Variants in CCSER1 observed in about 807,000 individuals in gnomAD.
CCSER1 encodes coiled-coil serine rich protein 1.
A neutral mutation model predicts 82.0 loss-of-function variants in CCSER1; 41 were observed. That is an observed-to-expected ratio of 0.50 (90% CI 0.39 to 0.65). CCSER1 has a LOEUF of 0.65. Ranked by LOEUF, CCSER1 falls within the 30% of genes least tolerant of loss-of-function variation. CCSER1 has a pLI of 0.00. For synonymous variants in CCSER1, 414 were observed against 383.9 expected (o/e 1.08, Z -0.92); for missense variants, 1,119 against 1,064.2 (o/e 1.05, Z -0.72).
At chr4:91,319,570 A>G (rs1746053356) in intron 10 of CCSER1, 1 of 429,554 alleles carries the variant, frequency 2.3e-6, no homozygotes, top group African/African-American at 2.1e-5. Flanking sequence ...TGAAAGAAGT[A>G]AAGAATAAGT....
chr4:90,329,407 T>A (rs1390788846), intron 3 of CCSER1, among the ~76,000 whole-genome samples: 1 of 152,162 alleles, frequency 6.6e-6, no homozygotes, highest in African/African-American at 2.4e-5. Flanking sequence ...ATCAATAACG[T>A]GTCAAAACTA....
intron 8 of CCSER1, among the ~76,000 whole-genome samples, chr4:90,861,735 C>T (rs946105048): frequency 1.3e-5 from 2 of 151,466 alleles, no homozygotes; most frequent in African/African-American, 4.8e-5. Flanking sequence ...ATTTAATGTA[C>T]TTTGTGAATA....
intron 4 of CCSER1, among the ~76,000 whole-genome samples, chr4:90,401,461 C>T (rs1014236289): frequency 9.2e-5 from 14 of 152,094 alleles, no homozygotes; most frequent in South Asian, 2.1e-4. Flanking sequence ...AATGGTTTAC[C>T]GAACAGTCAT....
intron 3 of CCSER1, among the ~76,000 whole-genome samples, chr4:90,332,927 C>T (rs749113559): frequency 1.3e-5 from 2 of 152,292 alleles, no homozygotes; most frequent in African/African-American, 2.4e-5. Flanking sequence ...TCCAGAACCA[C>T]GTGTTATGTT....
In CCSER1 at chr4:90,665,382, C is replaced by A. The variant is rs909942105; in HGVS notation, c.1932+37150C>A. On this transcript the variant is annotated intron_variant, in intron 6 of 10. Transcript: ENST00000509176. ...TGTCGCCCAGGCTGGAGTGCAGTGG[C>A]GTGATCTCGGCTCACTGCAGGCTCC... Among the ~76,000 whole-genome samples the A allele has an allele frequency of 3.3e-5, 5 of 150,416 alleles. No homozygotes were observed. In the East Asian group the frequency reaches 9.8e-4, roughly 30 times the overall value.
At chr4:90,838,223 T>A (rs1395604271) in intron 8 of CCSER1, among the ~76,000 whole-genome samples, 1 of 151,586 alleles carries the variant, frequency 6.6e-6, no homozygotes, top group African/African-American at 2.4e-5. Flanking sequence ...ATGAGTACTT[T>A]TTTTTTAGTG....
chr4:90,132,251 C>G (rs1722940202), intron 1 of CCSER1, among the ~76,000 whole-genome samples: 1 of 152,172 alleles, frequency 6.6e-6, no homozygotes, highest in Admixed American at 6.5e-5. Flanking sequence ...CTATATGTCA[C>G]AGGTGTATCA....
At chr4:90,369,052 G>T (rs1746849736) in intron 3 of CCSER1, among the ~76,000 whole-genome samples, 1 of 151,674 alleles carries the variant, frequency 6.6e-6, no homozygotes, top group South Asian at 2.1e-4. Flanking sequence ...TATACCTGCA[G>T]AAATTTTAAA....
chr4:91,048,350 T>C (rs2148702948), intron 9 of CCSER1, among the ~76,000 whole-genome samples: 1 of 147,208 alleles, frequency 6.8e-6, no homozygotes, highest in Middle Eastern at 3.6e-3. Flanking sequence ...CCTCTGACAT[T>C]TAAAAATATA....
At chr4:91,158,668 A>G (rs1220701912) in intron 10 of CCSER1, among the ~76,000 whole-genome samples, 1 of 151,084 alleles carries the variant, frequency 6.6e-6, no homozygotes, top group Non-Finnish European at 1.5e-5. Flanking sequence ...TGGACACACA[A>G]ACGTGCAGGC....
intron 9 of CCSER1, among the ~76,000 whole-genome samples, chr4:90,932,992 G>GAAAGAAAGAAAGAAAGAA (rs1730272763): frequency 4.5e-5 from 2 of 44,318 alleles, no homozygotes; most frequent in Non-Finnish European, 8.1e-5. Context: ...GAGAAAGAAA[G>GAAAGAAAGAAAGAAAGAA]AAAGAAAGAA....
At chr4:90,488,074 T>C (rs1249269402) in intron 5 of CCSER1, among the ~76,000 whole-genome samples, 1 of 152,234 alleles carries the variant, frequency 6.6e-6, no homozygotes, top group Non-Finnish European at 1.5e-5. Context: ...AAATTAGACC[T>C]TCAGAGATAG....
At chr4:91,555,466 TAATC>T (rs1245993546) in intron 10 of CCSER1, among the ~76,000 whole-genome samples, 3 of 151,134 alleles carry the variant, frequency 2.0e-5, no homozygotes, top group Non-Finnish European at 4.4e-5. Flanking sequence ...CGGCACATAG[TAATC>T]AATCAACTAG....
chr4:91,112,851 C>T (rs1033419912), intron 10 of CCSER1: 9 of 152,152 alleles, frequency 5.9e-5, no homozygotes, highest in African/African-American at 2.2e-4. Context: ...ACTACCTTCC[C>T]ATCACACAAA....
At chr4:91,230,612 G>A (rs760187326) in intron 10 of CCSER1, among the ~76,000 whole-genome samples, 2 of 151,768 alleles carry the variant, frequency 1.3e-5, no homozygotes, top group East Asian at 3.9e-4. Context: ...ATCTATTTCT[G>A]TGTCATGGGT....
At chr4:91,562,371 A>G (rs986021518) in intron 10 of CCSER1, among the ~76,000 whole-genome samples, 1 of 151,518 alleles carries the variant, frequency 6.6e-6, no homozygotes, top group African/African-American at 2.4e-5. Flanking sequence ...GTATCTTTAT[A>G]TAACTTTTTC....
At chr4:90,946,029 C>T (rs1732194694) in intron 9 of CCSER1, among the ~76,000 whole-genome samples, 1 of 151,992 alleles carries the variant, frequency 6.6e-6, no homozygotes, top group African/African-American at 2.4e-5. Context: ...AGGGAAATAT[C>T]ACATATACAT....
intron 10 of CCSER1, among the ~76,000 whole-genome samples, chr4:91,257,024 T>C (rs999371459): frequency 6.6e-6 from 1 of 152,150 alleles, no homozygotes; most frequent in Non-Finnish European, 1.5e-5. Flanking sequence ...CTTGTCATTA[T>C]TTTTTTATAC....
chr4:90,131,178 T>A (rs940869478), intron 1 of CCSER1, among the ~76,000 whole-genome samples: 2 of 152,030 alleles, frequency 1.3e-5, no homozygotes, highest in Non-Finnish European at 2.9e-5. Context: ...TTGTATTTAC[T>A]TTAGTAGAGA....
Sources: allele counts gnomAD v4.1 joint callset (sites outside exome capture counted in the v4.1 genomes callset), GRCh38; gene constraint gnomAD v4.1.1; transcripts MANE v1.5; gene names NCBI Gene and HGNC (gene_info 2026-07-23, HGNC 2026-07-21).